GALNT1: variants seen among roughly 807,000 people sequenced by gnomAD.
The protein encoded by GALNT1 is GalNAc transferase 1.
In GALNT1, 17 loss-of-function variants were observed where a neutral mutation model predicts 65.7. That is an observed-to-expected ratio of 0.26 (90% CI 0.18 to 0.39). The LOEUF is 0.39. Among genes scored for constraint, GALNT1 ranks in the 10% least tolerant of loss-of-function variants. The pLI, the probability that GALNT1 is intolerant of heterozygous loss-of-function variation, is 1.00. For missense variants in GALNT1, 460 were observed against 672.8 expected, an observed-to-expected ratio of 0.68 and a Z score of 3.50; for synonymous variants, 210 against 219.7, an observed-to-expected ratio of 0.96 and a Z score of 0.39.
chr18:35,698,993 A>G (rs1010109465), intron 9 of GALNT1, among the ~76,000 whole-genome samples: 4 of 151,154 alleles, frequency 2.6e-5, no homozygotes, highest in Non-Finnish European at 5.9e-5. Context: ...AAAATAAAAT[A>G]AATAAAATAA....
At chr18:35,673,632 C>G (rs1294647240) in intron 3 of GALNT1, among the ~76,000 whole-genome samples, 3 of 152,180 alleles carry the variant, frequency 2.0e-5, no homozygotes, top group Non-Finnish European at 4.4e-5. Flanking sequence ...GAGATGGAGT[C>G]TCACTTTGTT....
At chr18:35,664,283 T>A (rs753803684) in intron 3 of GALNT1, 2 of 154,252 alleles carry the variant, frequency 1.3e-5, no homozygotes, top group Non-Finnish European at 2.9e-5. Flanking sequence ...GCAGCCGTTA[T>A]ATTGACCTCT....
chr18:35,672,782 ATAGT>A (rs879707779), intron 3 of GALNT1, among the ~76,000 whole-genome samples: 5 of 151,816 alleles, frequency 3.3e-5, no homozygotes, highest in Non-Finnish European at 7.4e-5. Flanking sequence ...TCCATCCTAT[ATAGT>A]TAGTCTTAGA....
chr18:35,662,621 GA>G (rs2047493414), intron 2 of GALNT1, among the ~76,000 whole-genome samples: 1 of 152,060 alleles, frequency 6.6e-6, no homozygotes, highest in Non-Finnish European at 1.5e-5. Flanking sequence ...TTTTTGTTTA[GA>G]AATGTTTTGA....
intron 2 of GALNT1, among the ~76,000 whole-genome samples, chr18:35,658,827 A>C (rs1177138863): frequency 2.0e-5 from 3 of 151,240 alleles, no homozygotes; most frequent in African/African-American, 7.3e-5. Context: ...CTCCTGTCCC[A>C]GCCTCCCGAG....
At chr18:35,698,209 T>C (rs2048092907) in intron 9 of GALNT1, among the ~76,000 whole-genome samples, 1 of 152,202 alleles carries the variant, frequency 6.6e-6, no homozygotes, top group South Asian at 2.1e-4. Context: ...GACTCACACC[T>C]GTAATGGCAG....
intron 1 of GALNT1, among the ~76,000 whole-genome samples, chr18:35,618,499 CAT>C (rs946328062): frequency 7.6e-4 from 116 of 152,110 alleles, no homozygotes; most frequent in African/African-American, 2.3e-3. Context: ...TAAAGACAAA[CAT>C]GTGTAACTGT....
At chr18:35,682,486 G>C (rs1204828326) in intron 4 of GALNT1, among the ~76,000 whole-genome samples, 1 of 152,118 alleles carries the variant, frequency 6.6e-6, no homozygotes, top group Non-Finnish European at 1.5e-5. Context: ...ATTGTATGGT[G>C]ACTAGTTGGA....
chr18:35,582,411 A>G (rs1308853123), intron 1 of GALNT1, among the ~76,000 whole-genome samples: 1 of 152,272 alleles, frequency 6.6e-6, no homozygotes, highest in Admixed American at 6.5e-5. Flanking sequence ...TTACTCATCC[A>G]TAATCAATAC....
At chr18:35,644,880 A>C (rs753042836) in intron 1 of GALNT1, among the ~76,000 whole-genome samples, 5 of 152,132 alleles carry the variant, frequency 3.3e-5, no homozygotes, top group Non-Finnish European at 7.4e-5. Flanking sequence ...AGACCCAGCT[A>C]CTTGGGAGGC....
intron 1 of GALNT1, among the ~76,000 whole-genome samples, chr18:35,585,190 C>A (rs1412163582): frequency 2.0e-5 from 3 of 152,148 alleles, no homozygotes; most frequent in Non-Finnish European, 4.4e-5. Flanking sequence ...TTACCCTCCA[C>A]ATTTCTTATC....
At chr18:35,608,716 A>T (rs572737632) in intron 1 of GALNT1, among the ~76,000 whole-genome samples, 1 of 152,338 alleles carries the variant, frequency 6.6e-6, no homozygotes, top group South Asian at 2.1e-4. Flanking sequence ...AGGCAACTGA[A>T]TAAGTAAAAA....
At chr18:35,612,639 G>C (rs998648927) in intron 1 of GALNT1, among the ~76,000 whole-genome samples, 1 of 152,202 alleles carries the variant, frequency 6.6e-6, no homozygotes, top group African/African-American at 2.4e-5. Flanking sequence ...GCCAAGGCAT[G>C]GATCACCAGA....
At chr18:35,667,529 A>G (rs1318817388) in intron 3 of GALNT1, among the ~76,000 whole-genome samples, 1 of 152,250 alleles carries the variant, frequency 6.6e-6, no homozygotes, top group African/African-American at 2.4e-5. Context: ...TCATATCATA[A>G]AATACCCAGT....
intron 2 of GALNT1, among the ~76,000 whole-genome samples, chr18:35,655,692 T>G (rs1385553226): frequency 6.6e-6 from 1 of 152,140 alleles, no homozygotes; most frequent in Non-Finnish European, 1.5e-5. Flanking sequence ...TAGCCACATT[T>G]AAATTTTTTA....
rs1248823189 is a variant in GALNT1 at position 35,691,068 on chromosome 18, G to T, written c.1035G>T (p.Val345=). 6.2e-7 allele frequency: 1 copy of T among 1,611,528 alleles called. No homozygotes were observed. Among genetic ancestry groups the T allele is most frequent in the East Asian group, 2.2e-5 (1 of 44,806 alleles). The stretch of plus-strand genomic sequence containing the variant: ...TTACATGCTCACATGTTGGACATGT[G>T]TTTCGGAAAGCTACACCTTACACGT... ...EIVTCSHVGH[V]FRKATPYTFP... Residue 345 remains valine (V), a synonymous_variant, in exon 8 of 12, where the codon GTG becomes GTT. Coordinates refer to ENST00000269195, the MANE Select transcript of GALNT1 (RefSeq NM_020474.4).
chr18:35,605,267 G>A (rs2046631811), intron 1 of GALNT1, among the ~76,000 whole-genome samples: 1 of 152,052 alleles, frequency 6.6e-6, no homozygotes, highest in Admixed American at 6.6e-5. Flanking sequence ...CCAGCACCTT[G>A]GGAGGCCGAG....
intron 1 of GALNT1, among the ~76,000 whole-genome samples, chr18:35,586,695 G>A (rs556435514): frequency 2.1e-4 from 32 of 152,258 alleles, no homozygotes; most frequent in Admixed American, 2.0e-4. Flanking sequence ...TCATTCCTCC[G>A]TTGAATTGCC....
At chr18:35,668,969 C>T (rs764521749) in intron 3 of GALNT1, among the ~76,000 whole-genome samples, 3 of 152,164 alleles carry the variant, frequency 2.0e-5, no homozygotes, top group Non-Finnish European at 2.9e-5. Context: ...CAGCCGGGCG[C>T]ACTGACTCAC....
Sources: allele counts gnomAD v4.1 joint callset (sites outside exome capture counted in the v4.1 genomes callset), GRCh38; gene constraint gnomAD v4.1.1; transcripts MANE v1.5; gene names NCBI Gene and HGNC (gene_info 2026-07-23, HGNC 2026-07-21).